The following ETV6 variants were observed in gnomAD, a reference collection of about 807,000 sequenced individuals.
ETV6 encodes the protein transcription factor ETV6.
In ETV6, 16 loss-of-function variants were observed where a neutral mutation model predicts 51.1. The ratio of observed to expected loss-of-function variants is 0.31; its 90% CI spans 0.21 to 0.48. ETV6 has a LOEUF of 0.48. Ranked by LOEUF, ETV6 falls within the 20% of genes least tolerant of loss-of-function variation. The pLI is 0.99. For synonymous variants in ETV6, 240 were observed against 224.1 expected (o/e 1.07, Z -0.64); for missense variants, 458 against 594.8 (o/e 0.77, Z 2.39).
At position 11,794,421 on chromosome 12, in the gene ETV6, C is replaced by T. The variant is rs1051676842; in HGVS notation, c.163+41842C>T. Reference sequence around the variant, plus strand: ...GCACAAGCAGGTTTTCTAGTGCACGCTCCAGGCGTTTGGCGCCTCTCTGCT... The same window carrying T: ...GCACAAGCAGGTTTTCTAGTGCACGTTCCAGGCGTTTGGCGCCTCTCTGCT... On this transcript the variant is annotated intron_variant, in intron 2 of 7. Transcript: ENST00000396373. Among the ~76,000 whole-genome samples, 4 of 152,294 alleles carry T rather than the reference C, an allele frequency of 2.6e-5. No individual in the cohort carries two copies. The South Asian group carries it at 8.3e-4, about 32-fold the overall frequency.
At chr12:11,732,761 A>G (rs1591637655) in intron 1 of ETV6, among the ~76,000 whole-genome samples, 1 of 152,218 alleles carries the variant, frequency 6.6e-6, no homozygotes, top group South Asian at 2.1e-4. Context: ...GAGCCTGAAC[A>G]CATGACCCTG....
At chr12:11,862,725 G>T (rs1483969358) in intron 4 of ETV6, among the ~76,000 whole-genome samples, 2 of 152,194 alleles carry the variant, frequency 1.3e-5, no homozygotes, top group African/African-American at 2.4e-5. Context: ...AATTACATCT[G>T]CAAGGACCGT....
chr12:11,738,623 A>G (rs973849756), intron 1 of ETV6, among the ~76,000 whole-genome samples: 1 of 151,856 alleles, frequency 6.6e-6, no homozygotes, highest in Non-Finnish European at 1.5e-5. Context: ...CCACTTTTCC[A>G]CAGCTGCTTT....
At chr12:11,758,419 G>C (rs1945036616) in intron 2 of ETV6, among the ~76,000 whole-genome samples, 1 of 152,160 alleles carries the variant, frequency 6.6e-6, no homozygotes, top group South Asian at 2.1e-4. Context: ...ACATGTCGTT[G>C]TCTGTGTGTT....
intron 3 of ETV6, chr12:11,840,659 CCA>C (rs923914390): frequency 5.8e-6 from 2 of 345,322 alleles, no homozygotes; most frequent in African/African-American, 2.1e-5. Context: ...TTCCCAGTTG[CCA>C]CAGACCGTTT....
At chr12:11,749,260 C>A (rs1391341006) in intron 1 of ETV6, among the ~76,000 whole-genome samples, 1 of 145,454 alleles carries the variant, frequency 6.9e-6, no homozygotes. Flanking sequence ...CGGTTATAAT[C>A]CTCTTGGGAA....
At position 11,890,968 on chromosome 12, in the gene ETV6, G is replaced by C; in HGVS notation, c.1281G>C (p.Met427Ile). The change falls in exon 8 of 8, where the codon ATG becomes ATC. Residue 427 changes from methionine to isoleucine, a missense_variant. Physicochemically the swap from Met to Ile is conservative, Grantham distance 10. Around this residue, in one of 4 missense-constraint regions of ETV6, gnomAD observed 55 missense variants for 151.2 expected, o/e 0.36. Transcript: ENST00000396373. ...TTATGAAAACCCCAGATGAAATCATGAGTGGCCGAACAGACCGTCTGGAGC... is the reference window on the plus strand; with the variant it reads ...TTATGAAAACCCCAGATGAAATCATCAGTGGCCGAACAGACCGTCTGGAGC... ...FRFMKTPDEI[M>I]SGRTDRLEHL... is the part of the protein sequence containing the mutation. The C allele has an allele frequency of 6.2e-7, 1 of 1,613,778 alleles. No homozygotes were observed. The highest frequency in any genetic ancestry group is 8.5e-7 in the Non-Finnish European group (1 of 1,179,794).
At chr12:11,794,773 G>A (rs1360851421) in intron 2 of ETV6, among the ~76,000 whole-genome samples, 1 of 152,180 alleles carries the variant, frequency 6.6e-6, no homozygotes, top group Non-Finnish European at 1.5e-5. Context: ...GTGGTTCCCA[G>A]AAATAAAGTC....
intron 1 of ETV6, among the ~76,000 whole-genome samples, chr12:11,652,365 G>C (rs1863921957): frequency 6.6e-6 from 1 of 152,182 alleles, no homozygotes; most frequent in Admixed American, 6.5e-5. Flanking sequence ...AAATGTTCTG[G>C]TGATGTGTGC....
At chr12:11,794,823 A>G (rs1945653573) in intron 2 of ETV6, among the ~76,000 whole-genome samples, 1 of 152,244 alleles carries the variant, frequency 6.6e-6, no homozygotes, top group Admixed American at 6.5e-5. Context: ...GAGATTTGCC[A>G]TTGAGGCATA....
At chr12:11,844,759 C>CAA (rs527793372) in intron 3 of ETV6, among the ~76,000 whole-genome samples, 7 of 88,526 alleles carry the variant, frequency 7.9e-5, no homozygotes, top group African/African-American at 1.6e-4. Flanking sequence ...TTGAGCAAGC[C>CAA]AAAAAAAAAA....
intron 2 of ETV6, among the ~76,000 whole-genome samples, chr12:11,755,656 G>T (rs1488599939): frequency 6.6e-6 from 1 of 152,110 alleles, no homozygotes. Context: ...AAACCTAAAA[G>T]AAAATAAATA....
chr12:11,653,041 A>C (rs1191269858), intron 1 of ETV6, among the ~76,000 whole-genome samples: 1 of 151,518 alleles, frequency 6.6e-6, no homozygotes, highest in African/African-American at 2.4e-5. Context: ...GTGCTCGAGC[A>C]CTCCTGGGGG....
chr12:11,756,199 A>G (rs941356222), intron 2 of ETV6, among the ~76,000 whole-genome samples: 10 of 152,176 alleles, frequency 6.6e-5, no homozygotes, highest in African/African-American at 2.2e-4. Context: ...AGGACTGGCA[A>G]AGAAGCCTGG....
At chr12:11,697,349 G>A (rs146063192) in intron 1 of ETV6, among the ~76,000 whole-genome samples, 1 of 152,286 alleles carries the variant, frequency 6.6e-6, no homozygotes, top group East Asian at 1.9e-4. Context: ...GAGGCTGCAG[G>A]CATCTGAACA....
chr12:11,676,825 G>T (rs540338382), intron 1 of ETV6, among the ~76,000 whole-genome samples: 1 of 152,150 alleles, frequency 6.6e-6, no homozygotes, highest in African/African-American at 2.4e-5. Flanking sequence ...GAAGGAGTGC[G>T]TGGAAAACAG....
intron 7 of ETV6, among the ~76,000 whole-genome samples, chr12:11,888,791 C>T (rs1470325246): frequency 1.3e-5 from 2 of 152,186 alleles, no homozygotes; most frequent in African/African-American, 4.8e-5. Flanking sequence ...AAGCCTCAAA[C>T]TCTGGGCTCA....
At chr12:11,737,016 C>T (rs1865713064) in intron 1 of ETV6, among the ~76,000 whole-genome samples, 1 of 152,144 alleles carries the variant, frequency 6.6e-6, no homozygotes, top group African/African-American at 2.4e-5. Context: ...TTGATGATAA[C>T]CTTCCCCCCT....
chr12:11,688,766 A>G (rs2120780777), intron 1 of ETV6, among the ~76,000 whole-genome samples: 1 of 152,330 alleles, frequency 6.6e-6, no homozygotes, highest in Admixed American at 6.5e-5. Context: ...CTGCTCCTTG[A>G]GGTCTGGCTC....
Sources: allele counts gnomAD v4.1 joint callset (sites outside exome capture counted in the v4.1 genomes callset), GRCh38; gene constraint gnomAD v4.1.1; regional missense constraint gnomAD v4.1.1; transcripts MANE v1.5; gene names NCBI Gene and HGNC (gene_info 2026-07-23, HGNC 2026-07-21).